Variants in SFRP2 observed in about 807,000 individuals in gnomAD.
The protein encoded by SFRP2 is secreted frizzled related protein 2, also known as secreted frizzled-related protein 2.
Under a neutral mutation model 26.0 loss-of-function variants are expected in SFRP2, and 16 were observed. The observed-to-expected ratio is 0.61, with a 90% CI of 0.42 to 0.93. The LOEUF (loss-of-function observed/expected upper bound fraction) is 0.93. Among genes scored for constraint, SFRP2 ranks in the 40% least tolerant of loss-of-function variants. The pLI is 0.00. For missense variants in SFRP2, 343 were observed against 392.4 expected, an observed-to-expected ratio of 0.87 and a Z score of 1.06; for synonymous variants, 173 against 167.3, an observed-to-expected ratio of 1.03 and a Z score of -0.26.
intron 1 of SFRP2, among the ~76,000 whole-genome samples, chr4:153,787,763 G>C (rs1449784356): frequency 1.3e-5 from 2 of 152,136 alleles, no homozygotes; most frequent in Non-Finnish European, 2.9e-5. Flanking sequence ...TGCCAGTCCC[G>C]GTTTTATTTC....
At chr4:153,785,735 G>T (rs750365397) in intron 2 of SFRP2, 129 bp downstream of exon 2, 2 of 592,066 alleles carry the variant, frequency 3.4e-6, no homozygotes, top group Admixed American at 3.4e-5. Flanking sequence ...ATGATTTTGG[G>T]ATACATGAGC....
chr4:153,785,336 C>T (rs1186859266), intron 2 of SFRP2, among the ~76,000 whole-genome samples: 12 of 151,920 alleles, frequency 7.9e-5, no homozygotes, highest in Non-Finnish European at 1.5e-5. Context: ...AGGAACCCCT[C>T]CTTGACAAAT....
chr4:153,785,189 T>C (rs1159573224), intron 2 of SFRP2, among the ~76,000 whole-genome samples: 1 of 152,132 alleles, frequency 6.6e-6, no homozygotes, highest in Non-Finnish European at 1.5e-5. Context: ...TTTTCGAAAC[T>C]GTGGCAAATG....
At chr4:153,785,091 T>C (rs1369801712) in intron 2 of SFRP2, among the ~76,000 whole-genome samples, 1 of 152,218 alleles carries the variant, frequency 6.6e-6, no homozygotes, top group African/African-American at 2.4e-5. Context: ...ATATCACATG[T>C]GTTTTTTATT....
chr4:153,782,873 T>C (rs933372272), intron 2 of SFRP2, among the ~76,000 whole-genome samples: 2 of 152,176 alleles, frequency 1.3e-5, no homozygotes, highest in Non-Finnish European at 2.9e-5. Context: ...CTATTCTGTA[T>C]AGATGATGTG....
chr4:153,789,021 C>A lies in SFRP2; in HGVS notation c.-186G>T. 25 of 562,968 alleles carry A rather than the reference C, an allele frequency of 4.4e-5. No individual in the cohort carries two copies. Among genetic ancestry groups the A allele is most frequent in the Middle Eastern group, 5.1e-4 (1 of 1,942 alleles). The allele number at this position is 562,968 out of a possible 1,614,324, so 34.9% of individuals were successfully genotyped here. On this transcript the variant is annotated 5_prime_UTR_variant, in exon 1 of 3. Transcript: ENST00000274063. ...GGAGGACAGCGCGGGCGAGGCGCTG[C>A]AAGCCCGCGCGCAGCTCCGGGGGGC...
At chr4:153,781,812 T>C (rs1384620427) in intron 2 of SFRP2, 57 bp from the exon 3 acceptor site, 4 of 1,442,590 alleles carry the variant, frequency 2.8e-6, no homozygotes, top group Non-Finnish European at 3.8e-6. Flanking sequence ...ACAGTATACC[T>C]CCCCCCATTC....
rs1273574664 is a variant in SFRP2, at chr4:153,785,951, A to T, written c.503-7T>A. 6.3e-7 allele frequency: 1 copy of T among 1,583,648 alleles called. No individual in the cohort carries two copies. The highest frequency in any genetic ancestry group is 8.6e-7 in the Non-Finnish European group (1 of 1,163,798). The stretch of plus-strand genomic sequence containing the variant: ...GCTTCACATACCTTTGGAGCTAGAA[A>T]TGTGAAAAACAGTCTTTAGTAAGTT... On this transcript the variant is annotated splice_polypyrimidine_tract_variant and splice_region_variant and intron_variant, in intron 1 of 2. Transcript: ENST00000274063.
At chr4:153,782,997 A>C (rs1219456822) in intron 2 of SFRP2, among the ~76,000 whole-genome samples, 1 of 143,934 alleles carries the variant, frequency 6.9e-6, no homozygotes, top group Admixed American at 6.9e-5. Flanking sequence ...TTTTTTTTTT[A>C]AATATCAGAA....
At chr4:153,786,924 T>C (rs1741220030) in intron 1 of SFRP2, among the ~76,000 whole-genome samples, 1 of 152,170 alleles carries the variant, frequency 6.6e-6, no homozygotes, top group South Asian at 2.1e-4. Context: ...ATTATGTCTT[T>C]AAAATTTAGG....
intron 1 of SFRP2, among the ~76,000 whole-genome samples, 199 bp downstream of exon 1, chr4:153,788,135 G>A (rs564089335): frequency 6.6e-6 from 1 of 152,198 alleles, no homozygotes; most frequent in South Asian, 2.1e-4. Context: ...AGGAGAATGC[G>A]CGAGACTTGG....
chr4:153,782,839 T>C (rs762232011), intron 2 of SFRP2, among the ~76,000 whole-genome samples: 18 of 152,210 alleles, frequency 1.2e-4, no homozygotes, highest in Non-Finnish European at 2.1e-4. Context: ...CAATGTGTCC[T>C]AAGACCCTGT....
chr4:153,788,377 G>T lies in SFRP2; in HGVS notation c.459C>A (p.Ile153=), dbSNP rs138983900. 1.9e-6 allele frequency: 3 copies of T among 1,613,498 alleles called. No homozygotes were observed. The South Asian group carries it at 3.3e-5, about 18-fold the overall frequency. ...DRFPQDNDLC[I]PLASSDHLLP... ...GGAGGTGGTCGCTGCTAGCGAGGGG[G>T]ATGCAAAGGTCGTTGTCCTGGGGGA... The change falls in exon 1 of 3, where the codon ATC becomes ATA. Residue 153 remains isoleucine, a synonymous_variant. Transcript: ENST00000274063.
chr4:153,785,209 T>C (rs367558476), intron 2 of SFRP2, among the ~76,000 whole-genome samples: 1 of 152,184 alleles, frequency 6.6e-6, no homozygotes. Context: ...GTGTCTAGAC[T>C]TAGTCATACA....
At position 153,781,866 on chromosome 4, in the gene SFRP2, CCTA is replaced by C. The variant is rs1198132813; in HGVS notation, c.584-114_584-112del. 4.2e-6 allele frequency: 4 copies of C among 958,386 alleles called. No homozygotes were observed. In the African/African-American group the frequency reaches 6.5e-5, roughly 16 times the overall value. 59.4% of individuals were successfully genotyped at this position (958,386 alleles called of 1,614,324 possible). A position where few individuals can be genotyped will look rare whatever the true frequency, so the allele number is the denominator to read the frequency against. ...GGCCTGGATGAGGAAAGAGAGGCTT[CCTA>C]GAGCTAATGGGACCCTCAGAGGCTG... is the stretch of plus-strand genomic sequence containing the variant. On this transcript the variant is annotated intron_variant, in intron 2 of 2. Coordinates refer to ENST00000274063, the MANE Select transcript of SFRP2 (RefSeq NM_003013.3).
At chr4:153,785,152 A>G (rs1306760201) in intron 2 of SFRP2, among the ~76,000 whole-genome samples, 1 of 152,168 alleles carries the variant, frequency 6.6e-6, no homozygotes, top group African/African-American at 2.4e-5. Context: ...GTAAATTTCT[A>G]AGCTTTTTTT....
Position 153,785,902 on chromosome 4 carries a change from T to C in SFRP2, c.545A>G (p.Asp182Gly), listed in dbSNP as rs1741198490. The change falls in exon 2 of 3, where the codon GAC becomes GGC. Residue 182 changes from aspartate (D) to glycine (G), a missense_variant. By Grantham distance (94) the Asp-to-Gly change is moderately conservative (BLOSUM62 -1). This residue lies in a region of SFRP2 where 251 missense variants were observed against 253.3 expected (regional missense o/e 0.99). Coordinates refer to ENST00000274063, the MANE Select transcript of SFRP2 (RefSeq NM_003013.3). ...ACAAAGCGTTTCCATTATGTCGTTG[T>C]CATCATCATTTTTATTTTTGCAGGC... ...CEACKNKNDD[D>G]NDIMETLCKN... 6.2e-7 allele frequency: 1 copy of C among 1,604,892 alleles called. No individual in the cohort carries two copies. Among genetic ancestry groups the C allele is most frequent in the African/African-American group, 1.3e-5 (1 of 74,644 alleles).
rs370321307 is a variant in SFRP2, at chr4:153,788,768, C to A, written c.68G>T (p.Arg23Leu). Residue 23 changes from arginine to leucine, a missense_variant, in exon 1 of 3, where the codon CGC becomes CTC. Around this residue, in one of 2 missense-constraint regions of SFRP2, gnomAD observed 251 missense variants for 253.3 expected, o/e 0.99. Transcript: ENST00000274063. ...LASHCCLGSARGLFLFGQPDF... is the reference protein window; with the variant it reads ...LASHCCLGSALGLFLFGQPDF... ...GGGCTGGCCAAAGAGGAAGAGCCCG[C>A]GCGCCGAGCCCAGGCAGCAGTGCGA... 3 of 1,611,018 alleles carry A rather than the reference C, an allele frequency of 1.9e-6. No individual in the cohort carries two copies. The highest frequency in any genetic ancestry group is 1.7e-4 in the Middle Eastern group (1 of 5,976).
At chr4:153,781,853 G>T in intron 2 of SFRP2, 98 bp from the exon 3 acceptor site, 1 of 1,087,272 alleles carries the variant, frequency 9.2e-7, no homozygotes, top group Non-Finnish European at 1.4e-6. Flanking sequence ...CCTGGATGAG[G>T]AAAGAGAGGC....
Sources: gnomAD v4.1 joint callset for allele counts (sites outside exome capture counted in the v4.1 genomes callset) on GRCh38, gnomAD v4.1.1 for gene constraint, gnomAD v4.1.1 regional missense constraint, MANE v1.5 for transcripts, NCBI Gene and HGNC (gene_info 2026-07-23, HGNC 2026-07-21) for gene names.